Variants in RHOQ observed in about 807,000 individuals in gnomAD.
RHOQ encodes rho-related GTP-binding protein RhoQ.
In RHOQ, 7 loss-of-function variants were observed where a neutral mutation model predicts 25.8. The observed-to-expected ratio is 0.27, with a 90% CI of 0.15 to 0.51. RHOQ has a LOEUF of 0.51. RHOQ is among the 20% of genes least tolerant of loss of function. RHOQ has a pLI of 0.97. For missense variants in RHOQ, 165 were observed against 260.6 expected (o/e 0.63, Z 2.53); for synonymous variants, 97 against 98.6 (o/e 0.98, Z 0.10).
chr2:46,559,281 C>G (rs1668496901), intron 2 of RHOQ, among the ~76,000 whole-genome samples: 1 of 152,194 alleles, frequency 6.6e-6, no homozygotes, highest in Non-Finnish European at 1.5e-5. Context: ...TAGGCATGAG[C>G]CACTGTACCT....
intron 2 of RHOQ, among the ~76,000 whole-genome samples, chr2:46,560,129 T>G (rs1289326344): frequency 6.6e-6 from 1 of 152,224 alleles, no homozygotes; most frequent in Non-Finnish European, 1.5e-5. Context: ...GGCGCTCTTC[T>G]GGTTCCCATA....
intron 2 of RHOQ, among the ~76,000 whole-genome samples, chr2:46,567,005 A>G (rs552224263): frequency 1.3e-5 from 2 of 152,292 alleles, no homozygotes; most frequent in South Asian, 2.1e-4. Flanking sequence ...TATCAGACCC[A>G]TCTCCCATTT....
At chr2:46,578,520 C>G (rs545844002) in intron 4 of RHOQ, among the ~76,000 whole-genome samples, 1 of 131,536 alleles carries the variant, frequency 7.6e-6, no homozygotes, top group African/African-American at 3.0e-5. Context: ...TCGTTTGAGC[C>G]CAGGAATTCG....
rs139221870 is a variant in RHOQ, at chr2:46,560,529, G to T, written c.202-15558G>T. 1,470 of 455,674 alleles carry T rather than the reference G, an allele frequency of 3.2e-3. 11 individuals carry two copies. Among genetic ancestry groups the T allele is most frequent in the Non-Finnish European group, 3.2e-3 (714 of 226,464 alleles). The allele number at this position is 455,674 out of a possible 1,614,324, so 28.2% of individuals were successfully genotyped here. On this transcript the variant is annotated intron_variant, in intron 2 of 4. Coordinates refer to ENST00000238738, the MANE Select transcript of RHOQ (RefSeq NM_012249.4). ...AGAAGTTGCTTGGCATACAGGCTTT[G>T]CAGCAAAGCGAGTTGGATTTCTGGG...
At chr2:46,562,428 T>C (rs1278614384) in intron 2 of RHOQ, among the ~76,000 whole-genome samples, 1 of 152,236 alleles carries the variant, frequency 6.6e-6, no homozygotes, top group East Asian at 1.9e-4. Flanking sequence ...TTGTTACTAG[T>C]TTCCTCCTCT....
chr2:46,543,726 C>T (rs775471979), intron 1 of RHOQ, 28 bp from the exon 2 acceptor site: 1 of 1,607,514 alleles, frequency 6.2e-7, no homozygotes, highest in Admixed American at 1.7e-5. Flanking sequence ...GTGAGCTTCT[C>T]TCCCCGCCCC....
chr2:46,543,355 C>A, intron 1 of RHOQ, 167 bp downstream of exon 1: 2 of 689,756 alleles, frequency 2.9e-6, no homozygotes, highest in Non-Finnish European at 4.9e-6. Flanking sequence ...CTCCTGGCAA[C>A]CCCTCGCCCG....
At chr2:46,572,775 G>C (rs748064266) in intron 2 of RHOQ, 3 of 453,334 alleles carry the variant, frequency 6.6e-6, no homozygotes, top group East Asian at 7.0e-5. Flanking sequence ...TTGATAAGTC[G>C]ATCTTTTAAA....
chr2:46,554,738 C>T (rs1320016533), intron 2 of RHOQ, among the ~76,000 whole-genome samples: 2 of 152,046 alleles, frequency 1.3e-5, no homozygotes, highest in African/African-American at 4.8e-5. Context: ...CAAGTGTTCT[C>T]CCCTCCCTTT....
At chr2:46,546,462 ATATATATATATG>A (rs1437507524) in intron 2 of RHOQ, among the ~76,000 whole-genome samples, 1 of 5,010 alleles carries the variant, frequency 2.0e-4, no homozygotes, top group East Asian at 3.9e-3. Context: ...ATATATATAT[ATATATATATATG>A]TGTATATATA....
At chr2:46,553,759 A>G (rs1572739227) in intron 2 of RHOQ, among the ~76,000 whole-genome samples, 1 of 141,482 alleles carries the variant, frequency 7.1e-6, no homozygotes, top group African/African-American at 2.7e-5. Flanking sequence ...TTGGTATTTT[A>G]GTAGAGACAG....
intron 1 of RHOQ, 74 bp downstream of exon 1, chr2:46,543,262 C>T (rs1667893922): frequency 6.4e-7 from 1 of 1,553,174 alleles, no homozygotes; most frequent in Non-Finnish European, 8.8e-7. Context: ...GCGGAGCCCC[C>T]TCGCCGCCTC....
chr2:46,551,458 TAGGG>T (rs1668239334), intron 2 of RHOQ, among the ~76,000 whole-genome samples: 1 of 152,126 alleles, frequency 6.6e-6, no homozygotes, highest in Non-Finnish European at 1.5e-5. Flanking sequence ...AAGAATAGTG[TAGGG>T]AGGAACGGCA....
At chr2:46,575,947 T>C (rs1018037435) in intron 2 of RHOQ, 140 bp from the exon 3 acceptor site, 2 of 553,216 alleles carry the variant, frequency 3.6e-6, no homozygotes, top group Non-Finnish European at 2.9e-6. Flanking sequence ...AACAGAGTTA[T>C]CTGATTTTAC....
chr2:46,556,333 G>A lies in RHOQ; in HGVS notation c.201+12521G>A, dbSNP rs912268422. 6.6e-6 allele frequency among the ~76,000 whole-genome samples: 1 copy of A among 151,934 alleles called. No homozygotes were observed. The highest frequency in any genetic ancestry group is 1.9e-4 in the East Asian group (1 of 5,154). On this transcript the variant is annotated intron_variant, in intron 2 of 4. Coordinates refer to ENST00000238738, the MANE Select transcript of RHOQ (RefSeq NM_012249.4). The surrounding 1 kb of genome is among the most constrained non-coding windows in gnomAD (Gnocchi z 4.9). The stretch of plus-strand genomic sequence containing the variant: ...TGTTCTTCCATGGCCATTCTTTCCC[G>A]GGCTCTGGGGACTATTTTCAGGGTT...
intron 1 of RHOQ, 65 bp from the exon 2 acceptor site, chr2:46,543,689 C>T (rs567628903): frequency 6.8e-7 from 1 of 1,476,848 alleles, no homozygotes; most frequent in Non-Finnish European, 9.4e-7. Flanking sequence ...GGGTGGGGAG[C>T]GAAATTGCCC....
At chr2:46,551,767 G>T (rs1311892132) in intron 2 of RHOQ, among the ~76,000 whole-genome samples, 1 of 152,184 alleles carries the variant, frequency 6.6e-6, no homozygotes, top group Non-Finnish European at 1.5e-5. Context: ...CAGGCTCAGG[G>T]TAGACTGAGG....
chr2:46,575,852 C>T (rs1355958820), intron 2 of RHOQ, among the ~76,000 whole-genome samples: 5 of 151,938 alleles, frequency 3.3e-5, no homozygotes, highest in Admixed American at 3.3e-4. Flanking sequence ...TGTATTTTTC[C>T]AAAGTTTTCA....
At chr2:46,560,730 T>G (rs1189909514) in intron 2 of RHOQ, 5 of 428,678 alleles carry the variant, frequency 1.2e-5, no homozygotes, top group Non-Finnish European at 1.4e-5. Flanking sequence ...ATTTCTACTT[T>G]GCTAGACTTT....
Sources: gnomAD v4.1 joint callset for allele counts (sites outside exome capture counted in the v4.1 genomes callset) on GRCh38, gnomAD v4.1.1 for gene constraint, Gnocchi (gnomAD v3.1) non-coding constraint, MANE v1.5 for transcripts, NCBI Gene and HGNC (gene_info 2026-07-23, HGNC 2026-07-21) for gene names.